Variants in HILPDA observed in about 807,000 individuals in gnomAD.
HILPDA encodes hypoxia inducible lipid droplet associated, also known as hypoxia-inducible lipid droplet-associated protein.
For synonymous variants in HILPDA, 37 were observed against 33.2 expected, an observed-to-expected ratio of 1.12 and a Z score of -0.40; for missense variants, 72 against 73.5, an observed-to-expected ratio of 0.98 and a Z score of 0.08.
At chr7:128,456,825 C>A (rs998460283) in intron 1 of HILPDA, 1 of 153,874 alleles carries the variant, frequency 6.5e-6, no homozygotes, top group Non-Finnish European at 1.4e-5. Context: ...CTATGCCCGG[C>A]TAATTTTTGT....
rs1051632660 is a variant in HILPDA at position 128,455,933 on chromosome 7, CTGCGCTGGTGCTTAGT to C, written c.-158_-143del. The C allele has an allele frequency of 8.5e-5, 39 of 456,434 alleles. 1 individual carries two copies. In the Admixed American group the frequency reaches 8.9e-4, roughly 10 times the overall value. 28.3% of individuals were successfully genotyped at this position (456,434 alleles called of 1,614,324 possible). A position where few individuals can be genotyped will look rare whatever the true frequency, so the allele number is the denominator to read the frequency against. Reference sequence around the variant, plus strand: ...CGGTGAGTTTTGTGGCGGGAAGCTTCTGCGCTGGTGCTTAGTAACCGACTTTCCTCCGGACTCCTGC... The same window carrying C: ...CGGTGAGTTTTGTGGCGGGAAGCTTCAACCGACTTTCCTCCGGACTCCTGC... On this transcript the variant is annotated 5_prime_UTR_variant, in exon 1 of 2. Coordinates refer to ENST00000257696, the MANE Select transcript of HILPDA (RefSeq NM_013332.4).
chr7:128,457,442 T>C lies in HILPDA; in HGVS notation c.174T>C (p.His58=). 1 of 1,614,146 alleles carries C rather than the reference T, an allele frequency of 6.2e-7. No individual in the cohort carries two copies. The highest frequency in any genetic ancestry group is 8.5e-7 in the Non-Finnish European group (1 of 1,180,000). ...NTEPTKGLPD[H]PSRSM ...AGCCCACCAAGGGCCTTCCAGACCA[T>C]CCATCCAGAAGCATGTGATAAGACC... Residue 58 remains histidine, a synonymous_variant, in exon 2 of 2, where the codon CAT becomes CAC. Transcript: ENST00000257696.
At chr7:128,457,117 C>G (rs1799552780) in intron 1 of HILPDA, 84 bp from the exon 2 acceptor site, 1 of 587,760 alleles carries the variant, frequency 1.7e-6, no homozygotes, top group Admixed American at 2.9e-5. Flanking sequence ...CTCCTTCAGC[C>G]CTGTGAGAGG....
In HILPDA at chr7:128,457,858, C is replaced by G; in HGVS notation, c.*398C>G. The G allele has an allele frequency of 4.3e-6, 1 of 233,238 alleles. No individual in the cohort carries two copies. The highest frequency in any genetic ancestry group is 6.9e-5 in the South Asian group (1 of 14,504). 14.4% of individuals were successfully genotyped at this position (233,238 alleles called of 1,614,324 possible). On this transcript the variant is annotated 3_prime_UTR_variant, in exon 2 of 2. Coordinates refer to ENST00000257696, the MANE Select transcript of HILPDA (RefSeq NM_013332.4). ...ACCCGGGGACGGAGGTTGCAGTGAG[C>G]CGAGATCGCACTGCTGTACCCAGCC...
intron 1 of HILPDA, among the ~76,000 whole-genome samples, chr7:128,456,975 G>A (rs565086319): frequency 6.6e-6 from 1 of 152,286 alleles, no homozygotes; most frequent in East Asian, 1.9e-4. Flanking sequence ...GAAAGTAAAA[G>A]TTTTAAGAAG....
rs1042794735 is a variant in HILPDA at position 128,455,880 on chromosome 7, G to A, written c.-212G>A. 1.1e-5 allele frequency: 5 copies of A among 456,638 alleles called. No homozygotes were observed. Among genetic ancestry groups the A allele is most frequent in the Middle Eastern group, 3.2e-4 (1 of 3,084 alleles). 28.3% of individuals were successfully genotyped at this position (456,638 alleles called of 1,614,324 possible). A position where few individuals can be genotyped will look rare whatever the true frequency, so the allele number is the denominator to read the frequency against. ...CGGAGGCTGGGCGGCGTTGCTCTGC[G>A]CTCTGCGGCTGACGGCGCTTTTGTC... is the stretch of plus-strand genomic sequence containing the variant. On this transcript the variant is annotated 5_prime_UTR_variant, in exon 1 of 2. Coordinates refer to ENST00000257696, the MANE Select transcript of HILPDA (RefSeq NM_013332.4).
rs1799558492 is a variant in HILPDA at position 128,457,414 on chromosome 7, C to G, written c.146C>G (p.Thr49Arg). The G allele has an allele frequency of 6.2e-7, 1 of 1,614,092 alleles. No individual in the cohort carries two copies. Among genetic ancestry groups the G allele is most frequent in the South Asian group, 1.1e-5 (1 of 91,092 alleles). ...SWTTRSQLANTEPTKGLPDHP... is the reference protein window; with the variant it reads ...SWTTRSQLANREPTKGLPDHP... Reference sequence around the variant, plus strand: ...ACCACCAGAAGCCAACTAGCCAACACAGAGCCCACCAAGGGCCTTCCAGAC... The same window carrying G: ...ACCACCAGAAGCCAACTAGCCAACAGAGAGCCCACCAAGGGCCTTCCAGAC... The change falls in exon 2 of 2, where the codon ACA becomes AGA. Residue 49 changes from threonine (T) to arginine (R), a missense_variant. Transcript: ENST00000257696.
chr7:128,457,647 C>A lies in HILPDA; in HGVS notation c.*187C>A. 1 of 581,772 alleles carries A rather than the reference C, an allele frequency of 1.7e-6. No homozygotes were observed. Among genetic ancestry groups the A allele is most frequent in the Non-Finnish European group, 3.1e-6 (1 of 325,956 alleles). 36.0% of individuals were successfully genotyped at this position (581,772 alleles called of 1,614,324 possible). A position where few individuals can be genotyped will look rare whatever the true frequency, so the allele number is the denominator to read the frequency against. ...CCTGTTTAGGCCGGTTGCGGTGGCT[C>A]ATGCCTGTAATCCTAGCACTTTGGG... On this transcript the variant is annotated 3_prime_UTR_variant, in exon 2 of 2. Coordinates refer to ENST00000257696, the MANE Select transcript of HILPDA (RefSeq NM_013332.4).
At chr7:128,456,135 T>TG (rs1799537370) in intron 1 of HILPDA, 112 bp downstream of exon 1, 2 of 375,868 alleles carry the variant, frequency 5.3e-6, no homozygotes, top group Non-Finnish European at 1.1e-5. Flanking sequence ...TCCTCTCTGA[T>TG]CGCCCACGCC....
rs1183892775 is a variant in HILPDA at position 128,458,395 on chromosome 7, A to G, written c.*935A>G. The G allele has an allele frequency of 6.0e-6, 1 of 167,084 alleles. No homozygotes were observed. Among genetic ancestry groups the G allele is most frequent in the Non-Finnish European group, 1.5e-5 (1 of 68,128 alleles). 10.4% of individuals were successfully genotyped at this position (167,084 alleles called of 1,614,324 possible). On this transcript the variant is annotated 3_prime_UTR_variant, in exon 2 of 2. Transcript: ENST00000257696. ...GTGGCTTAAATGATTTTTTCTAACT[A>G]ATAAAGTGGAATATATATTTCTACT...
chr7:128,457,230 A>G lies in HILPDA; in HGVS notation c.-39A>G. 1 of 1,557,114 alleles carries G rather than the reference A, an allele frequency of 6.4e-7. No individual in the cohort carries two copies. Among genetic ancestry groups the G allele is most frequent in the Non-Finnish European group, 8.8e-7 (1 of 1,137,848 alleles). ...CAGAGGCCTTTCAGAAGGAGAAGGCAGCTCTGTTTCTCTGCAGAGGAGTAG... is the reference window on the plus strand; with the variant it reads ...CAGAGGCCTTTCAGAAGGAGAAGGCGGCTCTGTTTCTCTGCAGAGGAGTAG... On this transcript the variant is annotated 5_prime_UTR_variant, in exon 2 of 2. Transcript: ENST00000257696.
At position 128,457,369 on chromosome 7, in the gene HILPDA, C is replaced by T; in HGVS notation, c.101C>T (p.Pro34Leu). ...TCCCTAGAGGGCTTACTAGAGAGCC[C>T]ATCGCCTGGGACCTCCTGGACCACC... The part of the protein sequence containing the change: ...MESLEGLLES[P>L]SPGTSWTTRS... The change falls in exon 2 of 2, where the codon CCA becomes CTA. Residue 34 changes from proline to leucine, a missense_variant. Pro to Leu is a moderately conservative substitution (Grantham distance 98). Transcript: ENST00000257696. The T allele has an allele frequency of 6.2e-7, 1 of 1,614,130 alleles. No individual in the cohort carries two copies. Among genetic ancestry groups the T allele is most frequent in the South Asian group, 1.1e-5 (1 of 91,076 alleles).
At chr7:128,457,118 C>T in intron 1 of HILPDA, 83 bp from the exon 2 acceptor site, 2 of 591,898 alleles carry the variant, frequency 3.4e-6, no homozygotes, top group East Asian at 2.7e-5. Context: ...TCCTTCAGCC[C>T]TGTGAGAGGA....
intron 1 of HILPDA, 28 bp from the exon 2 acceptor site, chr7:128,457,173 A>G: frequency 1.9e-6 from 2 of 1,031,146 alleles, no homozygotes; most frequent in South Asian, 1.6e-5. Context: ...AAAAGGCTAT[A>G]GATTCATCCT....
chr7:128,457,714 C>A lies in HILPDA; in HGVS notation c.*254C>A. The stretch of plus-strand genomic sequence containing the variant: ...ATCACCTGAGGTCAGGAGTTCGAGA[C>A]CAGCCTCGCCAACATGGCGAAACCC... On this transcript the variant is annotated 3_prime_UTR_variant, in exon 2 of 2. Transcript: ENST00000257696. 1 of 335,172 alleles carries A rather than the reference C, an allele frequency of 3.0e-6. No homozygotes were observed. The highest frequency in any genetic ancestry group is 5.7e-6 in the Non-Finnish European group (1 of 174,320). The allele number at this position is 335,172 out of a possible 1,614,324, so 20.8% of individuals were successfully genotyped here.
chr7:128,457,182 CTTTCCTCTT>C lies in HILPDA; in HGVS notation c.-68-15_-68-7del, dbSNP rs1035189741. Reference sequence around the variant, plus strand: ...ATCCCCAAAAGGCTATAGATTCATCCTTTCCTCTTTTTTCTCAGGGTCCAGAGGCCTTTC... The same window carrying C: ...ATCCCCAAAAGGCTATAGATTCATCCTTTTCTCAGGGTCCAGAGGCCTTTC... On this transcript the variant is annotated splice_polypyrimidine_tract_variant and intron_variant, in intron 1 of 1. Transcript: ENST00000257696. 4 of 1,140,744 alleles carry C rather than the reference CTTTCCTCTT, an allele frequency of 3.5e-6. No homozygotes were observed. In the Admixed American group the frequency reaches 8.8e-5, roughly 25 times the overall value. 70.7% of individuals were successfully genotyped at this position (1,140,744 alleles called of 1,614,324 possible). A position where few individuals can be genotyped will look rare whatever the true frequency, so the allele number is the denominator to read the frequency against.
At position 128,455,908 on chromosome 7, in the gene HILPDA, C is replaced by T. The variant is rs1006269723; in HGVS notation, c.-184C>T. ...CTGCGGCTGACGGCGCTTTTGTCTC[C>T]GGTGAGTTTTGTGGCGGGAAGCTTC... On this transcript the variant is annotated 5_prime_UTR_variant, in exon 1 of 2. Coordinates refer to ENST00000257696, the MANE Select transcript of HILPDA (RefSeq NM_013332.4). 5 of 456,626 alleles carry T rather than the reference C, an allele frequency of 1.1e-5. No individual in the cohort carries two copies. Among genetic ancestry groups the T allele is most frequent in the East Asian group, 6.9e-5 (1 of 14,412 alleles). The allele number at this position is 456,626 out of a possible 1,614,324, so 28.3% of individuals were successfully genotyped here. A position where few individuals can be genotyped will look rare whatever the true frequency, so the allele number is the denominator to read the frequency against.
At position 128,457,834 on chromosome 7, in the gene HILPDA, C is replaced by CTTTTTTAATGAT; in HGVS notation, c.*374_*375insTTTTTTAATGAT. Reference sequence around the variant, plus strand: ...GGCTGAGGCGGGAGAATTGCTTGAACCCGGGGACGGAGGTTGCAGTGAGCC... The same window carrying CTTTTTTAATGAT: ...GGCTGAGGCGGGAGAATTGCTTGAACTTTTTTAATGATCCGGGGACGGAGGTTGCAGTGAGCC... On this transcript the variant is annotated 3_prime_UTR_variant, in exon 2 of 2. Coordinates refer to ENST00000257696, the MANE Select transcript of HILPDA (RefSeq NM_013332.4). The CTTTTTTAATGAT allele has an allele frequency of 4.2e-6, 1 of 238,496 alleles. No homozygotes were observed. The highest frequency in any genetic ancestry group is 9.0e-6 in the Non-Finnish European group (1 of 111,180). 14.8% of individuals were successfully genotyped at this position (238,496 alleles called of 1,614,324 possible). A position where few individuals can be genotyped will look rare whatever the true frequency, so the allele number is the denominator to read the frequency against.
In HILPDA at chr7:128,457,412, C is replaced by A. The variant is rs146681568; in HGVS notation, c.144C>A (p.Asn48Lys). 2.5e-4 allele frequency: 396 copies of A among 1,614,182 alleles called. 1 individual carries two copies. In the African/African-American group the frequency reaches 4.7e-3, roughly 19 times the overall value. Residue 48 changes from asparagine to lysine, a missense_variant, in exon 2 of 2, where the codon AAC becomes AAA. Coordinates refer to ENST00000257696, the MANE Select transcript of HILPDA (RefSeq NM_013332.4). ...GGACCACCAGAAGCCAACTAGCCAA[C>A]ACAGAGCCCACCAAGGGCCTTCCAG... is the stretch of plus-strand genomic sequence containing the variant. ...TSWTTRSQLA[N>K]TEPTKGLPDH... is the part of the protein sequence containing the mutation.
Sources: gnomAD v4.1 joint callset for allele counts (sites outside exome capture counted in the v4.1 genomes callset) on GRCh38, gnomAD v4.1.1 for gene constraint, MANE v1.5 for transcripts, NCBI Gene and HGNC (gene_info 2026-07-23, HGNC 2026-07-21) for gene names.